Variants in CEP112 observed in about 807,000 individuals in gnomAD.
CEP112 encodes centrosomal protein 112.
In CEP112, 127 loss-of-function variants were observed where a neutral mutation model predicts 153.0. The observed-to-expected ratio is 0.83, with a 90% CI of 0.72 to 0.96. The LOEUF is 0.96. Among genes scored for constraint, CEP112 ranks in the 40% least tolerant of loss-of-function variants. CEP112 has a pLI of 0.00. For missense variants in CEP112, 1,089 were observed against 1,101.2 expected (o/e 0.99, Z 0.16); for synonymous variants, 358 against 374.4 (o/e 0.96, Z 0.51).
chr17:65,878,772 T>C lies in CEP112; in HGVS notation c.2163+23380A>G, dbSNP rs1346325437. ...CCCCAAAAGCCTGCATACAGAGGGG[T>C]TGGACCCACCCCAACCTACAGATTG... On this transcript the variant is annotated intron_variant, in intron 20 of 26. Transcript: ENST00000535342. 2.6e-5 allele frequency among the ~76,000 whole-genome samples: 4 copies of C among 151,400 alleles called. No homozygotes were observed. In the South Asian group the frequency reaches 6.3e-4, roughly 24 times the overall value.
intron 12 of CEP112, among the ~76,000 whole-genome samples, chr17:66,040,072 G>T (rs995858123): frequency 6.6e-6 from 1 of 152,160 alleles, no homozygotes; most frequent in Non-Finnish European, 1.5e-5. Flanking sequence ...TATACATGTT[G>T]CAGTGAAACC....
intron 21 of CEP112, among the ~76,000 whole-genome samples, chr17:65,833,748 T>C (rs964531663): frequency 3.3e-5 from 5 of 152,116 alleles, no homozygotes; most frequent in Non-Finnish European, 7.3e-5. Flanking sequence ...TGCTCATGGA[T>C]TGGAAGAACC....
chr17:66,064,055 G>A (rs2067023520), intron 10 of CEP112, among the ~76,000 whole-genome samples: 1 of 151,892 alleles, frequency 6.6e-6, no homozygotes, highest in Non-Finnish European at 1.5e-5. Context: ...CCCCTTGCAG[G>A]GACAGAAAGA....
intron 21 of CEP112, among the ~76,000 whole-genome samples, chr17:65,804,662 T>C (rs2055482726): frequency 6.6e-6 from 1 of 152,108 alleles, no homozygotes; most frequent in South Asian, 2.1e-4. Context: ...AGAGGGTAAA[T>C]ATAAAATTTA....
chr17:65,952,002 T>C (rs2061851815), intron 18 of CEP112, among the ~76,000 whole-genome samples: 1 of 152,144 alleles, frequency 6.6e-6, no homozygotes, highest in Admixed American at 6.6e-5. Context: ...TAAAAGTGGG[T>C]TATTTACTTT....
intron 19 of CEP112, among the ~76,000 whole-genome samples, chr17:65,922,815 C>G (rs1257230639): frequency 1.3e-5 from 2 of 152,128 alleles, no homozygotes; most frequent in Non-Finnish European, 2.9e-5. Flanking sequence ...CTCAATTATA[C>G]TTTGTAACTA....
Position 66,176,690 on chromosome 17 carries a change from G to A in CEP112, c.297+140C>T, listed in dbSNP as rs1598499780. The A allele has an allele frequency of 1.9e-5, 10 of 526,516 alleles. No individual in the cohort carries two copies. The East Asian group carries it at 2.9e-4, about 15-fold the overall frequency. 32.6% of individuals were successfully genotyped at this position (526,516 alleles called of 1,614,324 possible). A position where few individuals can be genotyped will look rare whatever the true frequency, so the allele number is the denominator to read the frequency against. On this transcript the variant is annotated intron_variant, in intron 3 of 26. Transcript: ENST00000535342. Reference sequence around the variant, plus strand: ...ATTTTATTAAAGGTGGAAAAAAATTGAATCAGGAAGAAAAAAAACAATTTT... The same window carrying A: ...ATTTTATTAAAGGTGGAAAAAAATTAAATCAGGAAGAAAAAAAACAATTTT...
intron 23 of CEP112, among the ~76,000 whole-genome samples, chr17:65,706,229 A>G (rs1438293953): frequency 6.6e-6 from 1 of 152,260 alleles, no homozygotes; most frequent in Non-Finnish European, 1.5e-5. Flanking sequence ...TATTTGGGAA[A>G]AGCCTTGAAT....
chr17:65,846,228 C>G (rs1052527202), intron 21 of CEP112, among the ~76,000 whole-genome samples: 1 of 152,146 alleles, frequency 6.6e-6, no homozygotes, highest in Non-Finnish European at 1.5e-5. Context: ...GTTCAAGCAA[C>G]TGGCAGAATG....
intron 4 of CEP112, among the ~76,000 whole-genome samples, chr17:66,137,986 T>TA (rs1373611511): frequency 2.6e-5 from 4 of 152,150 alleles, no homozygotes; most frequent in African/African-American, 7.2e-5. Flanking sequence ...ATGAAAGTCT[T>TA]AAAAATAACT....
intron 21 of CEP112, among the ~76,000 whole-genome samples, chr17:65,798,175 AG>A (rs2055048302): frequency 6.6e-6 from 1 of 152,158 alleles, no homozygotes; most frequent in Admixed American, 6.5e-5. Flanking sequence ...TTAGAGCTTT[AG>A]GAATTGTCAG....
At chr17:65,865,135 A>G (rs1371416463) in intron 20 of CEP112, among the ~76,000 whole-genome samples, 1 of 151,896 alleles carries the variant, frequency 6.6e-6, no homozygotes, top group Non-Finnish European at 1.5e-5. Context: ...TCACCTTCCC[A>G]GGCTCAAGCG....
intron 21 of CEP112, among the ~76,000 whole-genome samples, chr17:65,816,126 C>A (rs1377701249): frequency 6.6e-6 from 1 of 151,746 alleles, no homozygotes; most frequent in Non-Finnish European, 1.5e-5. Flanking sequence ...TTTTCTTTTT[C>A]TGGTGTCTTT....
At position 65,650,743 on chromosome 17, in the gene CEP112, A is replaced by AT. The variant is rs1292998704; in HGVS notation, c.2698-9679_2698-9678insA. The stretch of plus-strand genomic sequence containing the variant: ...AAAACTCTCTACTAAAAAAAAAAAA[A>AT]AAAAAAAAAAAAAATTAGCTGGGCA... On this transcript the variant is annotated intron_variant, in intron 24 of 26. Coordinates refer to ENST00000535342, the MANE Select transcript of CEP112 (RefSeq NM_001199165.4). 9.8e-4 allele frequency among the ~76,000 whole-genome samples: 146 copies of AT among 149,390 alleles called. 1 individual carries two copies. Among genetic ancestry groups the AT allele is most frequent in the Middle Eastern group, 3.4e-3 (1 of 294 alleles).
In CEP112 at chr17:66,068,941, G is replaced by C. The variant is rs1476278023; in HGVS notation, c.855+974C>G. Among the ~76,000 whole-genome samples the C allele has an allele frequency of 2.0e-5, 3 of 151,592 alleles. No homozygotes were observed. In the East Asian group the frequency reaches 5.8e-4, roughly 29 times the overall value. ...TTAAACTAAAGTAAAACTCTAGTAA[G>C]AGCAAAAAAAATTTGCCTGTAATAT... On this transcript the variant is annotated intron_variant, in intron 9 of 26. Coordinates refer to ENST00000535342, the MANE Select transcript of CEP112 (RefSeq NM_001199165.4).
At chr17:65,821,371 A>G (rs1331044823) in intron 21 of CEP112, among the ~76,000 whole-genome samples, 2 of 149,876 alleles carry the variant, frequency 1.3e-5, no homozygotes, top group African/African-American at 4.9e-5. Flanking sequence ...GATGTAACCA[A>G]CCAATTAAAG....
At chr17:65,715,894 A>G (rs142266448) in intron 23 of CEP112, among the ~76,000 whole-genome samples, 1,565 of 152,308 alleles carry the variant, frequency 0.01, 21 homozygotes, top group African/African-American at 0.035. Flanking sequence ...CCCACATAAC[A>G]ATGATCACAA....
intron 12 of CEP112, among the ~76,000 whole-genome samples, chr17:66,047,363 C>T (rs1179184385): frequency 6.6e-6 from 1 of 152,186 alleles, no homozygotes; most frequent in African/African-American, 2.4e-5. Context: ...GTGATCCGCC[C>T]ACCTTGGCTT....
chr17:65,993,547 T>C (rs1396944180), intron 17 of CEP112, among the ~76,000 whole-genome samples: 1 of 152,176 alleles, frequency 6.6e-6, no homozygotes. Context: ...TATAAGAATG[T>C]TCATTGCAGC....
Sources: allele counts gnomAD v4.1 joint callset (sites outside exome capture counted in the v4.1 genomes callset), GRCh38; gene constraint gnomAD v4.1.1; transcripts MANE v1.5; gene names NCBI Gene and HGNC (gene_info 2026-07-23, HGNC 2026-07-21).